TDRD12: variants seen among roughly 807,000 people sequenced by gnomAD.
The protein encoded by TDRD12 is tudor domain containing 12, also known as putative ATP-dependent RNA helicase TDRD12.
Under a neutral mutation model 133.5 loss-of-function variants are expected in TDRD12, and 158 were observed. That is an observed-to-expected ratio of 1.18 (90% CI 1.04 to 1.35). The LOEUF (loss-of-function observed/expected upper bound fraction) is 1.35, where lower values mean the gene tolerates loss of function less well. TDRD12 is among the 40% of genes most tolerant of loss of function. The pLI is 0.00. For synonymous variants in TDRD12, 460 were observed against 477.9 expected, an observed-to-expected ratio of 0.96 and a Z score of 0.49; for missense variants, 1,443 against 1,321.3, an observed-to-expected ratio of 1.09 and a Z score of -1.43.
At chr19:32,720,184 G>A in intron 1 of TDRD12, 88 bp downstream of exon 1, 1 of 1,066,732 alleles carries the variant, frequency 9.4e-7, no homozygotes, top group Non-Finnish European at 1.2e-6. Context: ...CCCCACCCCA[G>A]CTCCGCACAG....
chr19:32,807,267 TAAAAAAAAAAAAAAAA>T (rs59421213), intron 21 of TDRD12, among the ~76,000 whole-genome samples: 565 of 47,236 alleles, frequency 0.012, 15 homozygotes, highest in African/African-American at 0.064. Flanking sequence ...ACCAAACTCT[TAAAAAAAAAAAAAAAA>T]AAAAAAAAAA....
At chr19:32,785,723 T>G (rs1970888828) in intron 11 of TDRD12, among the ~76,000 whole-genome samples, 1 of 152,184 alleles carries the variant, frequency 6.6e-6, no homozygotes, top group Admixed American at 6.5e-5. Context: ...GTTTAAAGTC[T>G]GTTTTAGCAG....
chr19:32,763,087 G>A (rs1234559174), intron 8 of TDRD12, among the ~76,000 whole-genome samples: 2 of 152,192 alleles, frequency 1.3e-5, no homozygotes, highest in Non-Finnish European at 2.9e-5. Flanking sequence ...AAAATCTTAT[G>A]AGACCACCAT....
At chr19:32,722,617 TTGTC>T (rs1223667006) in intron 1 of TDRD12, among the ~76,000 whole-genome samples, 1 of 152,128 alleles carries the variant, frequency 6.6e-6, no homozygotes, top group Non-Finnish European at 1.5e-5. Flanking sequence ...TGAGAAATCT[TTGTC>T]TGACTCACAG....
intron 13 of TDRD12, among the ~76,000 whole-genome samples, chr19:32,792,083 TA>T (rs1971089775): frequency 6.6e-6 from 1 of 151,904 alleles, no homozygotes; most frequent in Non-Finnish European, 1.5e-5. Context: ...CCGTCTCTAC[TA>T]AAAATACAAA....
At chr19:32,746,842 GAGA>G (rs1969655884) in intron 4 of TDRD12, among the ~76,000 whole-genome samples, 1 of 151,850 alleles carries the variant, frequency 6.6e-6, no homozygotes, top group African/African-American at 2.4e-5. Context: ...GTGTGTGTGA[GAGA>G]AGGAGAGAGA....
At chr19:32,744,952 C>G (rs1384488420) in intron 4 of TDRD12, among the ~76,000 whole-genome samples, 1 of 152,230 alleles carries the variant, frequency 6.6e-6, no homozygotes, top group Non-Finnish European at 1.5e-5. Context: ...TCACCCCAGC[C>G]CCCACAGTTT....
At chr19:32,778,190 T>C (rs1042598575) in intron 11 of TDRD12, among the ~76,000 whole-genome samples, 2 of 151,930 alleles carry the variant, frequency 1.3e-5, no homozygotes, top group Non-Finnish European at 2.9e-5. Flanking sequence ...TGCAGCCATG[T>C]GGGCTTCCCA....
exon 1 of TDRD12, chr19:32,719,812 C>T (rs949872257): frequency 3.5e-6 from 2 of 567,386 alleles, no homozygotes; most frequent in African/African-American, 1.9e-5. Context: ...AGGCCCGAGG[C>T]CAGGCAGGCA....
chr19:32,733,466 G>A (rs538713408), intron 2 of TDRD12, among the ~76,000 whole-genome samples: 1 of 108,138 alleles, frequency 9.2e-6, no homozygotes, highest in South Asian at 2.9e-4. Context: ...GTGAAACTCT[G>A]TCTCAAAAAA....
At chr19:32,730,854 A>G (rs36002893) in intron 1 of TDRD12, among the ~76,000 whole-genome samples, 37,996 of 152,042 alleles carry the variant, frequency 0.25, 5,094 homozygotes, top group Middle Eastern at 0.33. Flanking sequence ...TGTCTCTACT[A>G]AAAATACAAA....
chr19:32,781,531 A>G (rs1302401230), intron 11 of TDRD12, among the ~76,000 whole-genome samples: 2 of 152,172 alleles, frequency 1.3e-5, no homozygotes, highest in African/African-American at 2.4e-5. Flanking sequence ...CAAAACATAA[A>G]TTTTTTAGAG....
At chr19:32,796,190 T>A in intron 14 of TDRD12, 35 of 985,270 alleles carry the variant, frequency 3.6e-5, no homozygotes, top group Non-Finnish European at 4.2e-5. Flanking sequence ...CAGACGGGGC[T>A]CCACCAGTGA....
At chr19:32,756,878 GTCCACA>G (rs1415878424) in intron 7 of TDRD12, among the ~76,000 whole-genome samples, 154 bp from the exon 8 acceptor site, 3 of 152,126 alleles carry the variant, frequency 2.0e-5, no homozygotes, top group Non-Finnish European at 4.4e-5. Flanking sequence ...CAATGTTTCT[GTCCACA>G]TCCAGTTTTT....
At position 32,811,279 on chromosome 19, in the gene TDRD12, C is replaced by T. The variant is rs139796709; in HGVS notation, c.2907C>T (p.Ile969=). The change falls in exon 24 of 28, where the codon ATC becomes ATT. Residue 969 remains isoleucine, a synonymous_variant. Transcript: ENST00000444215. ...TGGATGACATCCTTGTAGAGTTCAT[C>T]GATGAAGGCAGGACGGGGCTCGTCA... 20,557 of 1,536,064 alleles carry T rather than the reference C, an allele frequency of 0.013. 173 individuals carry two copies. The highest frequency in any genetic ancestry group is 0.018 in the Middle Eastern group (106 of 5,990).
rs115814514 is a variant in TDRD12, at chr19:32,736,980, C to T, written c.184-1876C>T. Reference sequence around the variant, plus strand: ...TAACCTGCTGACCAGCCTAGCTTACCCTAGCCTACTTAAATTTGCTCAGGA... The same window carrying T: ...TAACCTGCTGACCAGCCTAGCTTACTCTAGCCTACTTAAATTTGCTCAGGA... On this transcript the variant is annotated intron_variant, in intron 2 of 27. Transcript: ENST00000444215. 3.1e-3 allele frequency among the ~76,000 whole-genome samples: 453 copies of T among 145,526 alleles called. 1 individual carries two copies. The highest frequency in any genetic ancestry group is 5.4e-3 in the Non-Finnish European group (362 of 66,874).
At chr19:32,723,414 C>T (rs956300470) in intron 1 of TDRD12, among the ~76,000 whole-genome samples, 11 of 151,886 alleles carry the variant, frequency 7.2e-5, no homozygotes, top group African/African-American at 2.4e-4. Flanking sequence ...CCATGCCCGG[C>T]TAATTTTTTT....
At chr19:32,773,838 T>C (rs1200575984) in intron 10 of TDRD12, among the ~76,000 whole-genome samples, 2 of 152,180 alleles carry the variant, frequency 1.3e-5, no homozygotes, top group Admixed American at 6.5e-5. Flanking sequence ...GTTAAACATA[T>C]TAACTTAAAG....
intron 14 of TDRD12, among the ~76,000 whole-genome samples, chr19:32,795,210 G>A (rs1971189130): frequency 2.0e-5 from 3 of 151,986 alleles, no homozygotes; most frequent in Admixed American, 1.3e-4. Context: ...TGGCATGCCT[G>A]TAATCCCAGC....
Sources: gnomAD v4.1 joint callset for allele counts (sites outside exome capture counted in the v4.1 genomes callset) on GRCh38, gnomAD v4.1.1 for gene constraint, MANE v1.5 for transcripts, NCBI Gene and HGNC (gene_info 2026-07-23, HGNC 2026-07-21) for gene names.